Variants in ADAM32 observed in about 807,000 individuals in gnomAD.
ADAM32 encodes ADAM metallopeptidase domain 32.
ADAM32 carries 89 observed loss-of-function variants against 114.9 expected under a neutral mutation model. The ratio of observed to expected loss-of-function variants is 0.77; its 90% CI spans 0.65 to 0.92. ADAM32 has a LOEUF of 0.92. Among genes scored for constraint, ADAM32 ranks in the 40% least tolerant of loss-of-function variants. The pLI is 0.00. For synonymous variants in ADAM32, 285 were observed against 307.5 expected, an observed-to-expected ratio of 0.93 and a Z score of 0.77; for missense variants, 870 against 932.8, an observed-to-expected ratio of 0.93 and a Z score of 0.88.
rs541011886 is a variant in ADAM32, at chr8:39,230,603, C to T, written c.1526-1424C>T. ...CTGGTATCTCACATTCACTATTGAACTGGTTAAACATTGTGAATACTCTGA... is the reference window on the plus strand; with the variant it reads ...CTGGTATCTCACATTCACTATTGAATTGGTTAAACATTGTGAATACTCTGA... On this transcript the variant is annotated intron_variant, in intron 14 of 24. Transcript: ENST00000379907. Among the ~76,000 whole-genome samples, 3 of 152,276 alleles carry T rather than the reference C, an allele frequency of 2.0e-5. No individual in the cohort carries two copies. The South Asian group carries it at 6.2e-4, about 32-fold the overall frequency.
chr8:39,110,739 G>C (rs1051738254), intron 1 of ADAM32, among the ~76,000 whole-genome samples: 1 of 152,322 alleles, frequency 6.6e-6, no homozygotes, highest in East Asian at 1.9e-4. Flanking sequence ...AATCCTGGCT[G>C]TCTTTTTTAT....
Position 39,107,766 on chromosome 8 carries a change from A to G in ADAM32, c.-10A>G, listed in dbSNP as rs1166880009. On this transcript the variant is annotated 5_prime_UTR_variant, in exon 1 of 25. Transcript: ENST00000379907. ...CAACGGCTTCCCGCTGGCAGCCCCG[A>G]AGCCGCACCATGTTCCGCCTCTGGT... 1.9e-6 allele frequency: 3 copies of G among 1,550,462 alleles called. No individual in the cohort carries two copies. The highest frequency in any genetic ancestry group is 1.4e-5 in the African/African-American group (1 of 73,136).
At chr8:39,166,461 C>T (rs1402989154) in intron 9 of ADAM32, 1 of 152,136 alleles carries the variant, frequency 6.6e-6, no homozygotes, top group Non-Finnish European at 1.5e-5. Flanking sequence ...GGGTTGGTTC[C>T]ATGATTTTGC....
intron 23 of ADAM32, 42 bp downstream of exon 23, chr8:39,281,216 A>G (rs1813402099): frequency 1.7e-6 from 2 of 1,206,038 alleles, no homozygotes; most frequent in Non-Finnish European, 2.2e-6. Context: ...AAGTATGTTG[A>G]AAATTCAGAA....
chr8:39,181,941 C>T (rs546045811), intron 10 of ADAM32, among the ~76,000 whole-genome samples: 14 of 152,134 alleles, frequency 9.2e-5, no homozygotes, highest in Admixed American at 3.3e-4. Flanking sequence ...GCAAGGCATA[C>T]GATAAAATTG....
intron 17 of ADAM32, among the ~76,000 whole-genome samples, chr8:39,252,527 A>G (rs1811370967): frequency 6.6e-6 from 1 of 151,556 alleles, no homozygotes; most frequent in Non-Finnish European, 1.5e-5. Flanking sequence ...CACCTCAAGA[A>G]ACTAGAAAAA....
chr8:39,146,166 C>T (rs189144191), intron 3 of ADAM32, among the ~76,000 whole-genome samples: 4 of 152,106 alleles, frequency 2.6e-5, no homozygotes, highest in East Asian at 1.9e-4. Context: ...AATTAAGTGA[C>T]GGTGGGTTGA....
At chr8:39,143,636 G>T (rs1044576502) in intron 3 of ADAM32, among the ~76,000 whole-genome samples, 3 of 152,154 alleles carry the variant, frequency 2.0e-5, no homozygotes, top group African/African-American at 7.2e-5. Flanking sequence ...CCCCTACTGG[G>T]AGGTGTTTCC....
intron 11 of ADAM32, among the ~76,000 whole-genome samples, chr8:39,193,436 G>T (rs1367809286): frequency 1.3e-5 from 2 of 152,102 alleles, no homozygotes; most frequent in Non-Finnish European, 2.9e-5. Flanking sequence ...CTTGAATTGG[G>T]TTCAATGTTC....
chr8:39,169,837 A>G, intron 9 of ADAM32, 79 bp from the exon 10 acceptor site: 1 of 1,085,704 alleles, frequency 9.2e-7, no homozygotes, highest in Non-Finnish European at 1.3e-6. Context: ...TATGAACTGC[A>G]GACTTAAATT....
Position 39,280,127 on chromosome 8 carries a change from C to A in ADAM32, c.2280-1009C>A, listed in dbSNP as rs112499894. On this transcript the variant is annotated intron_variant, in intron 22 of 24. Transcript: ENST00000379907. ...TAGCTTTTAATATTTCCATTAAAGA[C>A]TACCAGGCTTGGGAAACTGCTCCAT... 9.5e-4 allele frequency among the ~76,000 whole-genome samples: 145 copies of A among 152,300 alleles called. 2 individuals carry two copies. Among genetic ancestry groups the A allele is most frequent in the African/African-American group, 3.3e-3 (138 of 41,558 alleles).
At chr8:39,221,504 T>C in intron 12 of ADAM32, 106 bp from the exon 13 acceptor site, 2 of 830,344 alleles carry the variant, frequency 2.4e-6, no homozygotes, top group Admixed American at 2.3e-5. Context: ...GCAGCATTCA[T>C]ATCCTTTTCC....
intron 19 of ADAM32, among the ~76,000 whole-genome samples, chr8:39,261,788 T>C (rs757971601): frequency 2.0e-5 from 3 of 152,232 alleles, no homozygotes; most frequent in Non-Finnish European, 4.4e-5. Flanking sequence ...GATTTGCATT[T>C]CTATGATTAT....
At chr8:39,195,584 G>A (rs1315452658) in intron 11 of ADAM32, among the ~76,000 whole-genome samples, 2 of 152,060 alleles carry the variant, frequency 1.3e-5, no homozygotes, top group African/African-American at 4.8e-5. Flanking sequence ...TCCTTAATCC[G>A]TTTTGAGTTG....
At chr8:39,202,384 G>GT (rs1807486636) in intron 11 of ADAM32, among the ~76,000 whole-genome samples, 1 of 151,896 alleles carries the variant, frequency 6.6e-6, no homozygotes, top group East Asian at 1.9e-4. Flanking sequence ...GAATTTATCT[G>GT]TTTCTTCTAG....
chr8:39,233,894 T>C lies in ADAM32; in HGVS notation c.1635-5T>C. On this transcript the variant is annotated splice_polypyrimidine_tract_variant and splice_region_variant and intron_variant, in intron 15 of 24. Transcript: ENST00000379907. The stretch of plus-strand genomic sequence containing the variant: ...AATAATCATATATATTTTTTATGTT[T>C]TCAGGAATCTTATATGTGGAAGATT... 6.7e-7 allele frequency: 1 copy of C among 1,487,090 alleles called. No homozygotes were observed. Among genetic ancestry groups the C allele is most frequent in the South Asian group, 1.5e-5 (1 of 68,316 alleles). 92.1% of individuals were successfully genotyped at this position (1,487,090 alleles called of 1,614,324 possible).
At chr8:39,270,209 T>C (rs764347783) in intron 19 of ADAM32, among the ~76,000 whole-genome samples, 2 of 152,236 alleles carry the variant, frequency 1.3e-5, no homozygotes, top group Non-Finnish European at 2.9e-5. Context: ...AAAATATTTT[T>C]AAAAATTTGC....
At chr8:39,136,939 G>A (rs1304163829) in intron 3 of ADAM32, among the ~76,000 whole-genome samples, 26 of 152,164 alleles carry the variant, frequency 1.7e-4, no homozygotes, top group Admixed American at 1.7e-3. Flanking sequence ...CTTATCTCCT[G>A]AAGACTGATT....
intron 17 of ADAM32, among the ~76,000 whole-genome samples, chr8:39,251,848 G>A (rs1279772179): frequency 1.3e-5 from 2 of 151,566 alleles, no homozygotes. Flanking sequence ...TTATAGTTTT[G>A]GTTCTTAGAT....
Sources: gnomAD v4.1 joint callset for allele counts (sites outside exome capture counted in the v4.1 genomes callset) on GRCh38, gnomAD v4.1.1 for gene constraint, MANE v1.5 for transcripts, NCBI Gene and HGNC (gene_info 2026-07-23, HGNC 2026-07-21) for gene names.